SIPA1L3: variants seen among roughly 807,000 people sequenced by gnomAD.
SIPA1L3 encodes the protein signal-induced proliferation-associated 1-like protein 3.
In SIPA1L3, 59 loss-of-function variants were observed where a neutral mutation model predicts 150.1. That is an observed-to-expected ratio of 0.39 (90% CI 0.32 to 0.49). The LOEUF (loss-of-function observed/expected upper bound fraction) is 0.49, where lower values mean the gene tolerates loss of function less well. Among genes scored for constraint, SIPA1L3 ranks in the 20% least tolerant of loss-of-function variants. SIPA1L3 has a pLI of 0.86. For missense variants in SIPA1L3, 2,211 were observed against 2,489.5 expected (o/e 0.89, Z 2.38); for synonymous variants, 1,070 against 1,077.6 (o/e 0.99, Z 0.14).
At chr19:38,118,723 G>C (rs10424104) in intron 8 of SIPA1L3, among the ~76,000 whole-genome samples, 1 of 151,736 alleles carries the variant, frequency 6.6e-6, no homozygotes, top group African/African-American at 2.4e-5. Context: ...TAGTACAGAC[G>C]GGGCTTTACC....
intron 1 of SIPA1L3, among the ~76,000 whole-genome samples, chr19:37,961,625 T>G (rs2046859203): frequency 6.6e-6 from 1 of 152,170 alleles, no homozygotes; most frequent in African/African-American, 2.4e-5. Flanking sequence ...ATATGGAGTT[T>G]CTTGGCCTTC....
rs1973096135 is a variant in SIPA1L3, at chr19:38,201,917, C to G, written c.5040C>G (p.Ile1680Met). Residue 1680 changes from isoleucine (I) to methionine (M), a missense_variant, in exon 20 of 22, where the codon ATC (isoleucine) becomes ATG (methionine). This residue lies in a region of SIPA1L3 where 806 missense variants were observed against 870.1 expected (regional missense o/e 0.93). Coordinates refer to ENST00000222345, the MANE Select transcript of SIPA1L3 (RefSeq NM_015073.3). Reference sequence around the variant, plus strand: ...ACGACCCGGCCCTGAGCCCGGACATCCCGCCTGCACACAGTCCTGTCCACA... The same window carrying G: ...ACGACCCGGCCCTGAGCCCGGACATGCCGCCTGCACACAGTCCTGTCCACA... The part of the protein sequence containing the change: ...SLNDPALSPD[I>M]PPAHSPVHSH... 6.2e-7 allele frequency: 1 copy of G among 1,613,916 alleles called. No homozygotes were observed. The highest frequency in any genetic ancestry group is 1.3e-5 in the African/African-American group (1 of 74,924).
At chr19:37,957,152 A>T (rs139213913) in intron 1 of SIPA1L3, among the ~76,000 whole-genome samples, 1 of 152,196 alleles carries the variant, frequency 6.6e-6, no homozygotes, top group African/African-American at 2.4e-5. Flanking sequence ...TGTCTATCCT[A>T]CTGCTAGTGC....
At chr19:38,017,664 A>C (rs1426152727) in intron 1 of SIPA1L3, among the ~76,000 whole-genome samples, 1 of 151,800 alleles carries the variant, frequency 6.6e-6, no homozygotes, top group South Asian at 2.1e-4. Flanking sequence ...TAGCTGGACT[A>C]CAAGCATGTG....
At chr19:38,185,941 A>C (rs968639041) in intron 16 of SIPA1L3, 1 of 152,232 alleles carries the variant, frequency 6.6e-6, no homozygotes, top group African/African-American at 2.4e-5. Flanking sequence ...ATCAACACAG[A>C]CACGCCTTTC....
intron 15 of SIPA1L3, among the ~76,000 whole-genome samples, chr19:38,174,686 C>A (rs1015923205): frequency 6.6e-6 from 1 of 152,030 alleles, no homozygotes; most frequent in Non-Finnish European, 1.5e-5. Context: ...CCCGCCTCTA[C>A]TAAAAATACA....
intron 1 of SIPA1L3, among the ~76,000 whole-genome samples, chr19:37,986,858 C>T (rs1231352326): frequency 6.6e-6 from 1 of 152,178 alleles, no homozygotes; most frequent in Non-Finnish European, 1.5e-5. Context: ...TAGCTGAGAA[C>T]CACCTGGGGG....
intron 1 of SIPA1L3, among the ~76,000 whole-genome samples, chr19:37,984,727 G>C (rs1413379326): frequency 6.6e-6 from 1 of 152,218 alleles, no homozygotes; most frequent in Non-Finnish European, 1.5e-5. Context: ...TACTGTTGGT[G>C]TCATAAACGT....
At chr19:38,071,110 C>G (rs936859580) in intron 2 of SIPA1L3, among the ~76,000 whole-genome samples, 4 of 152,194 alleles carry the variant, frequency 2.6e-5, no homozygotes, top group African/African-American at 9.6e-5. Flanking sequence ...GCAGGCCCTG[C>G]TTGCCTTGGG....
At chr19:38,035,290 C>A (rs1968754272) in intron 2 of SIPA1L3, among the ~76,000 whole-genome samples, 1 of 152,206 alleles carries the variant, frequency 6.6e-6, no homozygotes, top group Admixed American at 6.5e-5. Flanking sequence ...TCCTTCCAAC[C>A]AACCATCATT....
chr19:38,168,776 G>A (rs939746661), intron 15 of SIPA1L3, among the ~76,000 whole-genome samples: 9 of 152,288 alleles, frequency 5.9e-5, no homozygotes, highest in Non-Finnish European at 1.2e-4. Flanking sequence ...AGAGGAGCCC[G>A]CTGCAGAAGA....
At chr19:38,129,091 T>G (rs1971248873) in intron 9 of SIPA1L3, among the ~76,000 whole-genome samples, 2 of 152,172 alleles carry the variant, frequency 1.3e-5, no homozygotes, top group Non-Finnish European at 2.9e-5. Flanking sequence ...TTAATAGCCA[T>G]GGCTGGTTAC....
chr19:38,064,625 G>C (rs1969529127), intron 2 of SIPA1L3, among the ~76,000 whole-genome samples: 1 of 152,136 alleles, frequency 6.6e-6, no homozygotes, highest in African/African-American at 2.4e-5. Context: ...CTTGAACCTG[G>C]GAGGCAGAGG....
intron 1 of SIPA1L3, among the ~76,000 whole-genome samples, chr19:37,965,054 T>A (rs962004106): frequency 1.3e-5 from 2 of 152,208 alleles, no homozygotes; most frequent in African/African-American, 4.8e-5. Flanking sequence ...GAAAATTATC[T>A]GTTTTGGGGA....
At chr19:38,197,950 T>C (rs527347567) in intron 18 of SIPA1L3, among the ~76,000 whole-genome samples, 1 of 141,324 alleles carries the variant, frequency 7.1e-6, no homozygotes, top group South Asian at 2.3e-4. Context: ...GAGAACACAG[T>C]CGTCACTGGG....
Position 38,173,401 on chromosome 19 carries a change from G to A in SIPA1L3, c.4208+8495G>A, listed in dbSNP as rs573515830. On this transcript the variant is annotated intron_variant, in intron 15 of 21. Transcript: ENST00000222345. ...CCAGCTGCCAGGCATGCTGCCAGGC[G>A]CCAGTGCCTGCCATGGGCACCGCAG... Among the ~76,000 whole-genome samples the A allele has an allele frequency of 1.2e-4, 19 of 152,388 alleles. No homozygotes were observed. In the East Asian group the frequency reaches 1.3e-3, roughly 11 times the overall value.
chr19:38,182,735 AAAGAAGT>A lies in SIPA1L3; in HGVS notation c.4429_4430+5del, dbSNP rs773043479. ...CACGGCCACTCCCCTTCAGTGACCC[AAAGAAGT>A]AAGTGCCTGGACGTCCAGCGAGGCG... is the stretch of plus-strand genomic sequence containing the variant. On this transcript the variant is annotated splice_donor_variant and coding_sequence_variant, in exon 16 of 22. Transcript: ENST00000222345. LOFTEE classifies it high-confidence loss of function. 3.1e-6 allele frequency: 5 copies of A among 1,611,352 alleles called. No homozygotes were observed. In the South Asian group the frequency reaches 5.5e-5, roughly 18 times the overall value.
At chr19:38,167,107 C>T (rs1221777762) in intron 15 of SIPA1L3, among the ~76,000 whole-genome samples, 2 of 151,760 alleles carry the variant, frequency 1.3e-5, no homozygotes, top group African/African-American at 2.4e-5. Flanking sequence ...GTGGTGGGCA[C>T]CTGTAGTCCC....
intron 15 of SIPA1L3, among the ~76,000 whole-genome samples, chr19:38,181,117 G>A (rs1478150751): frequency 6.6e-6 from 1 of 152,182 alleles, no homozygotes; most frequent in Non-Finnish European, 1.5e-5. Flanking sequence ...AGGACAAAAT[G>A]CGACAAATTT....
Sources: gnomAD v4.1 joint callset for allele counts (sites outside exome capture counted in the v4.1 genomes callset) on GRCh38, gnomAD v4.1.1 for gene constraint, gnomAD v4.1.1 regional missense constraint, MANE v1.5 for transcripts, NCBI Gene and HGNC (gene_info 2026-07-23, HGNC 2026-07-21) for gene names.